CPD: variants seen among roughly 807,000 people sequenced by gnomAD.
The protein encoded by CPD is carboxypeptidase D.
A neutral mutation model predicts 138.3 loss-of-function variants in CPD; 69 were observed. The observed-to-expected ratio is 0.50, with a 90% CI of 0.41 to 0.61. The LOEUF (loss-of-function observed/expected upper bound fraction) is 0.61, where lower values mean the gene tolerates loss of function less well. Among genes scored for constraint, CPD ranks in the 20% least tolerant of loss-of-function variants. The pLI, the probability that CPD is intolerant of heterozygous loss-of-function variation, is 0.00. For missense variants in CPD, 1,432 were observed against 1,733.3 expected, an observed-to-expected ratio of 0.83 and a Z score of 3.09; for synonymous variants, 651 against 642.1, an observed-to-expected ratio of 1.01 and a Z score of -0.21.
chr17:30,436,636 G>A (rs1160959617), intron 8 of CPD, among the ~76,000 whole-genome samples: 1 of 152,184 alleles, frequency 6.6e-6, no homozygotes, highest in African/African-American at 2.4e-5. Flanking sequence ...AGGCAAAGGT[G>A]GAAAAATTGA....
chr17:30,426,161 T>A (rs1472238411), intron 6 of CPD, among the ~76,000 whole-genome samples: 1 of 146,434 alleles, frequency 6.8e-6, no homozygotes, highest in Non-Finnish European at 1.5e-5. Flanking sequence ...GATTGTGCCA[T>A]TGCACTCCAG....
chr17:30,417,672 C>T (rs1205581798), intron 2 of CPD, among the ~76,000 whole-genome samples: 1 of 152,176 alleles, frequency 6.6e-6, no homozygotes, highest in Non-Finnish European at 1.5e-5. Context: ...GTTGCTACCA[C>T]ATCATTTTAG....
rs1912312783 is a variant in CPD, at chr17:30,423,151, T to C, written c.1657+128T>C. On this transcript the variant is annotated intron_variant, in intron 5 of 20. Coordinates refer to ENST00000225719, the MANE Select transcript of CPD (RefSeq NM_001304.5). ...GGCATTAAGAAAACCTAACTAAAATTAAAAGAAAGCAAAAAAGAAAATGTA... is the reference window on the plus strand; with the variant it reads ...GGCATTAAGAAAACCTAACTAAAATCAAAAGAAAGCAAAAAAGAAAATGTA... 8.5e-6 allele frequency: 6 copies of C among 703,524 alleles called. No homozygotes were observed. The East Asian group carries it at 1.7e-4, about 20-fold the overall frequency. The allele number at this position is 703,524 out of a possible 1,614,324, so 43.6% of individuals were successfully genotyped here. A position where few individuals can be genotyped will look rare whatever the true frequency, so the allele number is the denominator to read the frequency against.
chr17:30,458,815 G>A (rs1032377562), intron 17 of CPD, among the ~76,000 whole-genome samples: 1 of 151,134 alleles, frequency 6.6e-6, no homozygotes, highest in Admixed American at 6.6e-5. Context: ...GCGAAGAGCC[G>A]AGATCTTGCC....
At chr17:30,386,643 A>G (rs1233403852) in intron 2 of CPD, among the ~76,000 whole-genome samples, 1 of 152,076 alleles carries the variant, frequency 6.6e-6, no homozygotes, top group Non-Finnish European at 1.5e-5. Context: ...GTAACCTCTA[A>G]TCTACTTTCT....
rs935539796 is a variant in CPD at position 30,442,390 on chromosome 17, G to A, written c.2313G>A (p.Glu771=). The A allele has an allele frequency of 1.9e-5, 31 of 1,613,508 alleles. No individual in the cohort carries two copies. The highest frequency in any genetic ancestry group is 2.5e-5 in the Non-Finnish European group (30 of 1,179,626). ...IELGCVKYPL[E]KELPNFWEQN... is the part of the protein sequence containing the mutation. Reference sequence around the variant, plus strand: ...TAGGTTGTGTGAAATATCCACTTGAGAAAGAGCTGCCAAACTTTTGGGAAC... The same window carrying A: ...TAGGTTGTGTGAAATATCCACTTGAAAAAGAGCTGCCAAACTTTTGGGAAC... The change falls in exon 10 of 21, where the codon GAG becomes GAA. Residue 771 remains glutamate (E), a synonymous_variant. Transcript: ENST00000225719.
intron 2 of CPD, among the ~76,000 whole-genome samples, chr17:30,394,901 A>ATG (rs113868957): frequency 0.029 from 4,333 of 147,838 alleles, 76 homozygotes; most frequent in African/African-American, 0.054. Flanking sequence ...GCATGTGTGT[A>ATG]TGTGTGTGTG....
chr17:30,431,531 CTGTT>C (rs1912564766), intron 7 of CPD, among the ~76,000 whole-genome samples: 3 of 152,090 alleles, frequency 2.0e-5, no homozygotes, highest in Admixed American at 6.6e-5. Context: ...TTGAGGTAGA[CTGTT>C]TGGTAGAAGT....
intron 20 of CPD, 129 bp downstream of exon 20, chr17:30,462,598 T>A: frequency 1.5e-6 from 1 of 663,834 alleles, no homozygotes; most frequent in Non-Finnish European, 2.6e-6. Flanking sequence ...CTTATCTAAA[T>A]GTGATTTTCC....
intron 3 of CPD, 61 bp from the exon 4 acceptor site, chr17:30,421,603 A>C: frequency 6.7e-7 from 1 of 1,482,458 alleles, no homozygotes; most frequent in Non-Finnish European, 9.4e-7. Flanking sequence ...GTGCAGAGAG[A>C]AATTATGCGC....
chr17:30,425,655 C>CA (rs11337028), intron 6 of CPD, among the ~76,000 whole-genome samples: 144 of 113,556 alleles, frequency 1.3e-3, no homozygotes, highest in Non-Finnish European at 1.8e-3. Flanking sequence ...GACTCTGTCT[C>CA]AAAAAAAAAA....
intron 2 of CPD, among the ~76,000 whole-genome samples, chr17:30,417,162 T>C (rs1912131965): frequency 6.6e-6 from 1 of 152,148 alleles, no homozygotes; most frequent in African/African-American, 2.4e-5. Flanking sequence ...TTATTTATAT[T>C]TGTTTACTGT....
intron 8 of CPD, among the ~76,000 whole-genome samples, chr17:30,437,396 T>C (rs561959488): frequency 6.6e-6 from 1 of 152,060 alleles, no homozygotes; most frequent in East Asian, 1.9e-4. Context: ...CTAAAAGTTA[T>C]ATACCAAGCC....
chr17:30,464,532 G>A (rs1369631672), intron 20 of CPD, 56 bp from the exon 21 acceptor site: 10 of 1,423,104 alleles, frequency 7.0e-6, no homozygotes, highest in Non-Finnish European at 8.9e-6. Context: ...GTAAGCGGCT[G>A]CTTATTAATA....
Position 30,411,135 on chromosome 17 carries a change from A to G in CPD, c.995-9706A>G, listed in dbSNP as rs1015313614. On this transcript the variant is annotated intron_variant, in intron 2 of 20. Transcript: ENST00000225719. ...CTTACGAAGCTTAGTTTGGCTGGAT[A>G]TGAAATTCTGGATTGAAAATTCTTT... Among the ~76,000 whole-genome samples the G allele has an allele frequency of 2.0e-5, 3 of 152,206 alleles. No homozygotes were observed. In the South Asian group the frequency reaches 6.2e-4, roughly 31 times the overall value.
Position 30,379,939 on chromosome 17 carries a change from A to G in CPD, c.746+213A>G, listed in dbSNP as rs1228850139. ...GCCTCCTAGAGGCTGTCATTTGTTC[A>G]AGGGATGGCTGGAGGGGACACTCCT... On this transcript the variant is annotated intron_variant, in intron 1 of 20. Transcript: ENST00000225719. This position sits in a 1 kb window ranked among gnomAD's most constrained non-coding sequence, Gnocchi z 7.0. Among the ~76,000 whole-genome samples the G allele has an allele frequency of 6.6e-6, 1 of 152,194 alleles. No homozygotes were observed. Among genetic ancestry groups the G allele is most frequent in the Non-Finnish European group, 1.5e-5 (1 of 68,012 alleles).
In CPD at chr17:30,433,615, A is replaced by G. The variant is rs776589182; in HGVS notation, c.2127+1734A>G. Among the ~76,000 whole-genome samples, 4 of 152,312 alleles carry G rather than the reference A, an allele frequency of 2.6e-5. 1 individual carries two copies. The highest frequency in any genetic ancestry group is 1.3e-4 in the Admixed American group (2 of 15,292). On this transcript the variant is annotated intron_variant, in intron 8 of 20. Transcript: ENST00000225719. ...GGTCACACTGTCACGGCAATTTGCT[A>G]TAGTCCATATGTGTGCTCTCCAACT...
chr17:30,446,171 G>A, intron 12 of CPD, 151 bp downstream of exon 12: 1 of 615,848 alleles, frequency 1.6e-6, no homozygotes, highest in African/African-American at 1.9e-5. Context: ...GTATTTGCTT[G>A]GAGATCTTTT....
chr17:30,382,007 T>G (rs931561991), intron 1 of CPD, among the ~76,000 whole-genome samples: 4 of 152,230 alleles, frequency 2.6e-5, no homozygotes, highest in Non-Finnish European at 5.9e-5. Context: ...GAAGATTTTA[T>G]AGTTGACTCC....
Sources: allele counts gnomAD v4.1 joint callset (sites outside exome capture counted in the v4.1 genomes callset), GRCh38; gene constraint gnomAD v4.1.1; non-coding constraint Gnocchi (gnomAD v3.1); transcripts MANE v1.5; gene names NCBI Gene and HGNC (gene_info 2026-07-23, HGNC 2026-07-21).